Variants in JPT2 observed in about 807,000 individuals in gnomAD.
JPT2 encodes the protein Jupiter microtubule associated homolog 2, also known as CRAMP_1 like.
A neutral mutation model predicts 15.9 loss-of-function variants in JPT2; 9 were observed. The ratio of observed to expected loss-of-function variants is 0.57; its 90% CI spans 0.34 to 0.99. The LOEUF is 0.99. JPT2 is among the 50% of genes least tolerant of loss of function. The pLI is 0.02. For synonymous variants in JPT2, 95 were observed against 91.7 expected (o/e 1.04, Z -0.21); for missense variants, 267 against 252.1 (o/e 1.06, Z -0.40).
intron 3 of JPT2, among the ~76,000 whole-genome samples, chr16:1,693,230 A>G (rs918321698): frequency 5.9e-5 from 9 of 152,212 alleles, no homozygotes; most frequent in African/African-American, 1.9e-4. Context: ...CCGAGTAGCC[A>G]GTGTTACATG....
At chr16:1,692,146 C>T in intron 3 of JPT2, 161 bp downstream of exon 3, 2 of 908,986 alleles carry the variant, frequency 2.2e-6, no homozygotes, top group Non-Finnish European at 3.3e-6. Flanking sequence ...GGAAGTTCCC[C>T]TGAGTCACCC....
intron 2 of JPT2, chr16:1,686,058 A>G (rs1382292737): frequency 6.5e-6 from 1 of 154,596 alleles, no homozygotes; most frequent in Non-Finnish European, 1.4e-5. Flanking sequence ...CCTAGTGGTT[A>G]CAGTAGGAGG....
At chr16:1,680,868 G>A (rs949961627) in intron 1 of JPT2, among the ~76,000 whole-genome samples, 1 of 152,098 alleles carries the variant, frequency 6.6e-6, no homozygotes, top group African/African-American at 2.4e-5. Flanking sequence ...TGAAACTCGG[G>A]GACAAACTAT....
chr16:1,685,399 G>C, intron 1 of JPT2, 40 bp from the exon 2 acceptor site: 1 of 1,605,978 alleles, frequency 6.2e-7, no homozygotes, highest in Non-Finnish European at 8.5e-7. Flanking sequence ...CAAGCTTTCA[G>C]GTCTGCCATC....
intron 1 of JPT2, among the ~76,000 whole-genome samples, chr16:1,684,704 C>T (rs553779067): frequency 6.6e-6 from 1 of 152,176 alleles, no homozygotes; most frequent in East Asian, 1.9e-4. Flanking sequence ...TGCGCCATTG[C>T]ATTCCTCCAG....
chr16:1,678,420 C>T (rs1238810952), intron 1 of JPT2, 64 bp downstream of exon 1: 1 of 1,219,346 alleles, frequency 8.2e-7, no homozygotes. Flanking sequence ...GCGGGCCAGC[C>T]CAGGGCGTCC....
At chr16:1,679,786 TGACTC>T (rs2037006645) in intron 1 of JPT2, among the ~76,000 whole-genome samples, 1 of 149,362 alleles carries the variant, frequency 6.7e-6, no homozygotes, top group South Asian at 2.1e-4. Flanking sequence ...CAGGGTGCAG[TGACTC>T]AACGGCTGTA....
rs1449734638 is a variant in JPT2, at chr16:1,698,426, C to A, written c.386-385C>A. 6.6e-6 allele frequency among the ~76,000 whole-genome samples: 1 copy of A among 152,212 alleles called. No individual in the cohort carries two copies. On this transcript the variant is annotated intron_variant, in intron 4 of 4. Transcript: ENST00000248098. The surrounding 1 kb of genome is among the most constrained non-coding windows in gnomAD (Gnocchi z 4.9). ...CCCAGGGTAACAGCAACAGAGCCTG[C>A]CTTTGCCTTGCTAAGCCCTCACCTA...
chr16:1,695,096 T>TA lies in JPT2; in HGVS notation c.337-2709dup, dbSNP rs552393423. Among the ~76,000 whole-genome samples the TA allele has an allele frequency of 5.9e-4, 90 of 152,202 alleles. No individual in the cohort carries two copies. In the East Asian group the frequency reaches 0.012, roughly 20 times the overall value. ...GGACAACATAGAGAGACCTCAACTC[T>TA]AAAAAAACTTTTTTTTAACTAGCTG... On this transcript the variant is annotated intron_variant, in intron 3 of 4. Coordinates refer to ENST00000248098, the MANE Select transcript of JPT2 (RefSeq NM_144570.3).
chr16:1,678,367 G>A lies in JPT2; in HGVS notation c.44+11G>A. The A allele has an allele frequency of 3.2e-6, 4 of 1,230,954 alleles. No homozygotes were observed. Among genetic ancestry groups the A allele is most frequent in the Non-Finnish European group, 4.1e-6 (4 of 985,696 alleles). The allele number at this position is 1,230,954 out of a possible 1,614,324, so 76.3% of individuals were successfully genotyped here. ...CCGCGCCGGCTCCAGGTGCGGCGCG[G>A]GGCACACGGGAGGCGGGCGGATAGC... On this transcript the variant is annotated intron_variant, in intron 1 of 4. Coordinates refer to ENST00000248098, the MANE Select transcript of JPT2 (RefSeq NM_144570.3).
At chr16:1,680,463 G>A (rs905354458) in intron 1 of JPT2, 5 of 1,245,022 alleles carry the variant, frequency 4.0e-6, no homozygotes, top group South Asian at 4.0e-5. Context: ...TTTTAGGATG[G>A]TGAGGAAGGA....
At chr16:1,685,633 CT>C (rs2037058979) in intron 2 of JPT2, 46 bp downstream of exon 2, 1 of 1,572,952 alleles carries the variant, frequency 6.4e-7, no homozygotes, top group Non-Finnish European at 8.6e-7. Context: ...CCACGATTCT[CT>C]TTTGAAAATA....
chr16:1,693,690 G>GGAC (rs1404749801), intron 3 of JPT2, among the ~76,000 whole-genome samples: 2 of 151,752 alleles, frequency 1.3e-5, no homozygotes, highest in Non-Finnish European at 1.5e-5. Context: ...TTTTGGTCCA[G>GGAC]GACCATTGGA....
intron 1 of JPT2, among the ~76,000 whole-genome samples, chr16:1,678,770 G>T (rs1269983524): frequency 6.6e-6 from 1 of 151,958 alleles, no homozygotes; most frequent in Non-Finnish European, 1.5e-5. Flanking sequence ...CATGTTCCCG[G>T]GGGGGTGTCC....
chr16:1,690,406 C>CT (rs1040400961), intron 2 of JPT2: 2 of 152,226 alleles, frequency 1.3e-5, no homozygotes, highest in African/African-American at 4.8e-5. Context: ...AAAAGCTCCT[C>CT]TGTCTCTGCC....
intron 2 of JPT2, among the ~76,000 whole-genome samples, chr16:1,687,397 A>T (rs929709991): frequency 3.9e-5 from 6 of 152,150 alleles, no homozygotes; most frequent in African/African-American, 1.4e-4. Flanking sequence ...TTTCCGGTTT[A>T]TGAATTTAGG....
intron 3 of JPT2, among the ~76,000 whole-genome samples, chr16:1,697,040 C>T (rs1029132087): frequency 3.3e-5 from 5 of 151,952 alleles, no homozygotes; most frequent in Non-Finnish European, 5.9e-5. Flanking sequence ...AGCCCAAGGG[C>T]GGGAATGACT....
Position 1,679,983 on chromosome 16 carries a change from C to T in JPT2, c.44+1627C>T, listed in dbSNP as rs141797628. Among the ~76,000 whole-genome samples, 429 of 151,928 alleles carry T rather than the reference C, an allele frequency of 2.8e-3. 1 individual carries two copies. The highest frequency in any genetic ancestry group is 0.01 in the African/African-American group (416 of 41,394). On this transcript the variant is annotated intron_variant, in intron 1 of 4. Coordinates refer to ENST00000248098, the MANE Select transcript of JPT2 (RefSeq NM_144570.3). Reference sequence around the variant, plus strand: ...CTGAGGCAGGAGAATGGTGTGAACCCGGGAGGCGGAGCTTGCAGTGAGCCG... The same window carrying T: ...CTGAGGCAGGAGAATGGTGTGAACCTGGGAGGCGGAGCTTGCAGTGAGCCG...
At chr16:1,702,767 T>G (rs756435036), downstream of JPT2, among the ~76,000 whole-genome samples, 1 of 152,226 alleles carries the variant, frequency 6.6e-6, no homozygotes, top group Non-Finnish European at 1.5e-5. Flanking sequence ...ACTCAGCTCA[T>G]GAAGATGAGA....
Sources: gnomAD v4.1 joint callset for allele counts (sites outside exome capture counted in the v4.1 genomes callset) on GRCh38, gnomAD v4.1.1 for gene constraint, Gnocchi (gnomAD v3.1) non-coding constraint, MANE v1.5 for transcripts, NCBI Gene and HGNC (gene_info 2026-07-23, HGNC 2026-07-21) for gene names.